The following GPR158 variants were observed in gnomAD, a reference collection of about 807,000 sequenced individuals.
The protein encoded by GPR158 is metabotropic glycine receptor.
Under a neutral mutation model 78.2 loss-of-function variants are expected in GPR158, and 30 were observed. The observed-to-expected ratio is 0.38, with a 90% CI of 0.29 to 0.52. GPR158 has a LOEUF of 0.52. Among genes scored for constraint, GPR158 ranks in the 20% least tolerant of loss-of-function variants. The probability of loss-of-function intolerance (pLI) is 0.83; values close to 1 mark genes in which losing one functional copy is unlikely to be tolerated. For missense variants in GPR158, 1,463 were observed against 1,523.5 expected (o/e 0.96, Z 0.66); for synonymous variants, 581 against 591.1 (o/e 0.98, Z 0.25).
At chr10:25,259,598 TAAATAAATCTTAA>T (rs1468920712) in intron 2 of GPR158, among the ~76,000 whole-genome samples, 1 of 152,152 alleles carries the variant, frequency 6.6e-6, no homozygotes, top group Non-Finnish European at 1.5e-5. Context: ...ATCCCTCTTT[TAAATAAATCTTAA>T]AAATCATATT....
chr10:25,476,811 C>T (rs960277508), intron 5 of GPR158, among the ~76,000 whole-genome samples: 3 of 152,054 alleles, frequency 2.0e-5, no homozygotes, highest in Non-Finnish European at 4.4e-5. Context: ...ACCCCTTCAC[C>T]AGTCATCCTT....
chr10:25,317,018 T>C (rs1854864338), intron 2 of GPR158, among the ~76,000 whole-genome samples: 1 of 151,742 alleles, frequency 6.6e-6, no homozygotes, highest in Non-Finnish European at 1.5e-5. Context: ...CTATTTTAAC[T>C]ACTTTCTTTG....
chr10:25,261,521 T>C lies in GPR158; in HGVS notation c.1008+40364T>C, dbSNP rs536986803. Among the ~76,000 whole-genome samples the C allele has an allele frequency of 7.9e-5, 12 of 152,272 alleles. No homozygotes were observed. The South Asian group carries it at 2.3e-3, about 29-fold the overall frequency. ...TTTGTTTTCCTCCACTGAGAAATTT[T>C]TAGTGCAAAGTCTCTTAATTTGCTA... On this transcript the variant is annotated intron_variant, in intron 2 of 10. Coordinates refer to ENST00000376351, the MANE Select transcript of GPR158 (RefSeq NM_020752.3).
chr10:25,471,432 G>C (rs1278464485), intron 5 of GPR158, among the ~76,000 whole-genome samples: 1 of 152,144 alleles, frequency 6.6e-6, no homozygotes, highest in African/African-American at 2.4e-5. Context: ...GTGTGCATGT[G>C]TCTTTATAGC....
intron 2 of GPR158, among the ~76,000 whole-genome samples, chr10:25,386,442 T>G (rs77828962): frequency 0.02 from 2,976 of 152,266 alleles, 88 homozygotes; most frequent in African/African-American, 0.068. Context: ...CATATAAGTT[T>G]AGGACATTTT....
At chr10:25,487,004 G>A (rs1469385479) in intron 5 of GPR158, among the ~76,000 whole-genome samples, 1 of 152,118 alleles carries the variant, frequency 6.6e-6, no homozygotes, top group Non-Finnish European at 1.5e-5. Context: ...GCACTTTCAT[G>A]TTAGGCTAGT....
At chr10:25,569,367 A>G (rs953273638) in intron 6 of GPR158, among the ~76,000 whole-genome samples, 1 of 152,244 alleles carries the variant, frequency 6.6e-6, no homozygotes, top group Non-Finnish European at 1.5e-5. Flanking sequence ...AAGTATTTTA[A>G]AGGAGACAGT....
intron 2 of GPR158, among the ~76,000 whole-genome samples, chr10:25,368,187 C>T (rs1588828655): frequency 6.6e-6 from 1 of 151,832 alleles, no homozygotes; most frequent in Non-Finnish European, 1.5e-5. Context: ...TGCCTTACTT[C>T]CCTTCTCCAG....
rs779957393 is a variant in GPR158, at chr10:25,572,661, G to A, written c.1527G>A (p.Val509=). ...VTLKLHRVLK[V]FLSRTAQRIP... ...TTTGCTTTTCTAGGGTTTTGAAGGT[G>A]TTTCTTTCACGAACGGCTCAACGAA... Residue 509 remains valine (V), a synonymous_variant, in exon 7 of 11, where the codon GTG becomes GTA. Coordinates refer to ENST00000376351, the MANE Select transcript of GPR158 (RefSeq NM_020752.3). 8.1e-6 allele frequency: 13 copies of A among 1,611,206 alleles called. No homozygotes were observed. The highest frequency in any genetic ancestry group is 5.0e-5 in the Admixed American group (3 of 60,006).
At chr10:25,191,748 G>A (rs538076155) in intron 1 of GPR158, among the ~76,000 whole-genome samples, 5 of 152,274 alleles carry the variant, frequency 3.3e-5, no homozygotes, top group South Asian at 2.1e-4. Flanking sequence ...GAGCCTATCA[G>A]TACTGCAAAT....
At chr10:25,362,541 T>G (rs1855656032) in intron 2 of GPR158, among the ~76,000 whole-genome samples, 1 of 151,968 alleles carries the variant, frequency 6.6e-6, no homozygotes, top group Admixed American at 6.6e-5. Context: ...TTTTGTGTAG[T>G]ATGTACATCT....
Position 25,598,906 on chromosome 10 carries a change from G to C in GPR158, c.3280G>C (p.Val1094Leu), listed in dbSNP as rs190974273. The C allele has an allele frequency of 5.7e-5, 92 of 1,614,022 alleles. No individual in the cohort carries two copies. Among genetic ancestry groups the C allele is most frequent in the Non-Finnish European group, 7.6e-5 (90 of 1,180,000 alleles). ...GAAGCTTTTGATTTCCAAGACTCCA[G>C]TTCTCCCAGAGAGGGCAAAAGAGGA... ...DEKLLISKTP[V>L]LPERAKEENG... Residue 1094 changes from valine to leucine, a missense_variant, in exon 11 of 11, where the codon GTT becomes CTT. By Grantham distance (32) the Val-to-Leu change is conservative. Coordinates refer to ENST00000376351, the MANE Select transcript of GPR158 (RefSeq NM_020752.3).
intron 9 of GPR158, 55 bp from the exon 10 acceptor site, chr10:25,596,588 T>TAGATAC: frequency 7.7e-7 from 1 of 1,297,250 alleles, no homozygotes; most frequent in Non-Finnish European, 1.1e-6. Context: ...GATATAGATA[T>TAGATAC]ATGCAATGCG....
At chr10:25,306,245 C>A (rs889817976) in intron 2 of GPR158, among the ~76,000 whole-genome samples, 2 of 152,132 alleles carry the variant, frequency 1.3e-5, no homozygotes, top group Non-Finnish European at 2.9e-5. Flanking sequence ...TTTTATTTAT[C>A]TCTTGATTGG....
At chr10:25,316,927 G>A (rs201201490) in intron 2 of GPR158, among the ~76,000 whole-genome samples, 5,826 of 81,230 alleles carry the variant, frequency 0.072, 387 homozygotes, top group African/African-American at 0.21. Context: ...GTGTGTGTAT[G>A]TGTGTGTATA....
intron 5 of GPR158, among the ~76,000 whole-genome samples, chr10:25,469,783 CAAAAAAAAAAA>C (rs34432893): frequency 4.6e-4 from 22 of 47,362 alleles, no homozygotes; most frequent in Admixed American, 1.5e-3. Flanking sequence ...GACTCCATCT[CAAAAAAAAAAA>C]AAAAAAAAAA....
intron 2 of GPR158, among the ~76,000 whole-genome samples, chr10:25,264,377 T>G (rs1854012816): frequency 6.6e-6 from 1 of 152,140 alleles, no homozygotes; most frequent in Non-Finnish European, 1.5e-5. Flanking sequence ...CTCAAGGCAT[T>G]TGGAGAAGTC....
chr10:25,440,547 G>A (rs1835054383), intron 4 of GPR158, among the ~76,000 whole-genome samples: 1 of 152,182 alleles, frequency 6.6e-6, no homozygotes, highest in Non-Finnish European at 1.5e-5. Flanking sequence ...GTTAACATGA[G>A]AAAGTTTAAG....
intron 2 of GPR158, 92 bp from the exon 3 acceptor site, chr10:25,395,819 T>G: frequency 1.8e-6 from 1 of 562,764 alleles, no homozygotes; most frequent in Non-Finnish European, 3.2e-6. Flanking sequence ...GTGTTAGTTT[T>G]CTGTTACCAT....
Sources: allele counts gnomAD v4.1 joint callset (sites outside exome capture counted in the v4.1 genomes callset), GRCh38; gene constraint gnomAD v4.1.1; transcripts MANE v1.5; gene names NCBI Gene and HGNC (gene_info 2026-07-23, HGNC 2026-07-21).